The following DIP2A variants were observed in gnomAD, a reference collection of about 807,000 sequenced individuals.
The protein encoded by DIP2A is DIP2 acetate--CoA ligase A.
Under a neutral mutation model 177.4 loss-of-function variants are expected in DIP2A, and 85 were observed. The observed-to-expected ratio is 0.48, with a 90% CI of 0.40 to 0.57. The LOEUF is 0.57. Ranked by LOEUF, DIP2A falls within the 20% of genes least tolerant of loss-of-function variation. The pLI, the probability that DIP2A is intolerant of heterozygous loss-of-function variation, is 0.00. For synonymous variants in DIP2A, 886 were observed against 881.8 expected (o/e 1.00, Z -0.08); for missense variants, 1,791 against 2,100.2 (o/e 0.85, Z 2.88).
At position 46,509,380 on chromosome 21, in the gene DIP2A, A is replaced by G; in HGVS notation, c.904+4A>G. 1.9e-6 allele frequency: 3 copies of G among 1,603,518 alleles called. No individual in the cohort carries two copies. The highest frequency in any genetic ancestry group is 1.7e-4 in the Middle Eastern group (1 of 6,026). On this transcript the variant is annotated splice_donor_region_variant and intron_variant, in intron 7 of 37. Coordinates refer to ENST00000417564, the MANE Select transcript of DIP2A (RefSeq NM_015151.4). ...GATTTTGAGGAATTGTTGGAAGGTA[A>G]GAGTTGTCCAACTTTGAGCTTTTCT...
intron 8 of DIP2A, among the ~76,000 whole-genome samples, chr21:46,513,745 C>T (rs1277442850): frequency 6.6e-6 from 1 of 152,122 alleles, no homozygotes; most frequent in Non-Finnish European, 1.5e-5. Context: ...TTGAAGCTGA[C>T]ATGATGCTCA....
At chr21:46,533,482 C>T in intron 10 of DIP2A, 42 bp from the exon 11 acceptor site, 1 of 1,598,266 alleles carries the variant, frequency 6.3e-7, no homozygotes, top group Non-Finnish European at 8.5e-7. Context: ...GCTGTGGCTG[C>T]TGTGAGCACC....
At chr21:46,463,679 T>TG (rs1601297886) in intron 1 of DIP2A, among the ~76,000 whole-genome samples, 3 of 127,620 alleles carry the variant, frequency 2.4e-5, no homozygotes, top group Non-Finnish European at 4.9e-5. Context: ...CTGGGATATA[T>TG]TTGTGTGTGT....
chr21:46,459,907 C>T (rs996473456), intron 1 of DIP2A, among the ~76,000 whole-genome samples: 20 of 151,844 alleles, frequency 1.3e-4, no homozygotes, highest in African/African-American at 4.4e-4. Context: ...CCACTTTTGC[C>T]CCAAGCTGTG....
At chr21:46,544,509 T>C (rs1025694887) in intron 18 of DIP2A, among the ~76,000 whole-genome samples, 1 of 152,182 alleles carries the variant, frequency 6.6e-6, no homozygotes, top group African/African-American at 2.4e-5. Context: ...GGAAAGAATG[T>C]GCACATGGCT....
At chr21:46,525,016 G>T (rs2059012841) in intron 8 of DIP2A, among the ~76,000 whole-genome samples, 1 of 150,872 alleles carries the variant, frequency 6.6e-6, no homozygotes, top group Admixed American at 6.6e-5. Context: ...CTCCCAAGTA[G>T]CTGGGAGTAC....
At chr21:46,477,502 G>A (rs1485914086) in intron 1 of DIP2A, among the ~76,000 whole-genome samples, 1 of 140,304 alleles carries the variant, frequency 7.1e-6, no homozygotes, top group African/African-American at 2.8e-5. Flanking sequence ...ACTCCAGCCT[G>A]GGTGACAGGG....
chr21:46,493,858 T>C (rs1311442187), intron 3 of DIP2A, among the ~76,000 whole-genome samples: 1 of 152,214 alleles, frequency 6.6e-6, no homozygotes, highest in African/African-American at 2.4e-5. Context: ...CATCATTGTA[T>C]TATAGCTCCC....
chr21:46,491,786 AC>A (rs1359664537), intron 3 of DIP2A, among the ~76,000 whole-genome samples: 1 of 151,922 alleles, frequency 6.6e-6, no homozygotes, highest in Non-Finnish European at 1.5e-5. Context: ...CTTCTCCCCA[AC>A]CCTGTTCCCT....
intron 3 of DIP2A, among the ~76,000 whole-genome samples, chr21:46,491,638 C>T (rs2057020381): frequency 6.6e-6 from 1 of 152,132 alleles, no homozygotes; most frequent in African/African-American, 2.4e-5. Flanking sequence ...CTGAGATGGC[C>T]GCCCTCAGCA....
chr21:46,518,330 C>T (rs1237148625), intron 8 of DIP2A, among the ~76,000 whole-genome samples: 4 of 152,122 alleles, frequency 2.6e-5, no homozygotes, highest in African/African-American at 9.7e-5. Flanking sequence ...ATGGCATCAC[C>T]GTTCTCCAGT....
At chr21:46,510,277 T>C (rs988733244) in intron 7 of DIP2A, among the ~76,000 whole-genome samples, 1 of 152,186 alleles carries the variant, frequency 6.6e-6, no homozygotes, top group African/African-American at 2.4e-5. Context: ...TTCTGCCTGC[T>C]TTATTCTGGC....
chr21:46,485,586 G>A (rs2056628903), intron 2 of DIP2A, among the ~76,000 whole-genome samples: 1 of 152,136 alleles, frequency 6.6e-6, no homozygotes, highest in Admixed American at 6.5e-5. Context: ...AATCTTACAG[G>A]AAGATTGTTG....
chr21:46,514,417 C>A (rs1453721433), intron 8 of DIP2A, among the ~76,000 whole-genome samples: 1 of 145,048 alleles, frequency 6.9e-6, no homozygotes, highest in Non-Finnish European at 1.5e-5. Context: ...GCCTGGGCGA[C>A]AGAGCAAGAC....
At chr21:46,523,196 A>T (rs538199278) in intron 8 of DIP2A, among the ~76,000 whole-genome samples, 2 of 151,686 alleles carry the variant, frequency 1.3e-5, no homozygotes, top group Non-Finnish European at 2.9e-5. Context: ...AAGTGCTGGG[A>T]TTATAGATGT....
intron 8 of DIP2A, among the ~76,000 whole-genome samples, chr21:46,519,880 TTTTTTTTTTTTTG>T: frequency 8.6e-6 from 1 of 115,630 alleles, no homozygotes. Context: ...TTTTTTTTTT[TTTTTTTTTTTTTG>T]AGATGGAGTC....
At chr21:46,541,928 A>G in intron 18 of DIP2A, 33 bp downstream of exon 18, 6 of 1,613,490 alleles carry the variant, frequency 3.7e-6, no homozygotes, top group Middle Eastern at 1.7e-4. Context: ...GTCTTTGTCC[A>G]TGACTGATTG....
intron 32 of DIP2A, among the ~76,000 whole-genome samples, chr21:46,560,480 G>A (rs1018051804): frequency 2.0e-5 from 3 of 152,218 alleles, no homozygotes; most frequent in Non-Finnish European, 4.4e-5. Flanking sequence ...GCATGATTTG[G>A]TGTTTTCAGA....
At position 46,461,271 on chromosome 21, in the gene DIP2A, CAAA is replaced by C. The variant is rs60346777; in HGVS notation, c.91+2069_91+2071del. On this transcript the variant is annotated intron_variant, in intron 1 of 37. Transcript: ENST00000417564. ...AGAGCGAGAACCTGTCTCTTCTCAC[CAAA>C]AAAAAAAAAAAAAAAAAAAGGAAAG... 5.4e-3 allele frequency among the ~76,000 whole-genome samples: 267 copies of C among 49,312 alleles called. 1 individual carries two copies. The highest frequency in any genetic ancestry group is 7.0e-3 in the Non-Finnish European group (206 of 29,342). 32.4% of individuals were successfully genotyped at this position (49,312 alleles called of 152,430 possible). A position where few individuals can be genotyped will look rare whatever the true frequency, so the allele number is the denominator to read the frequency against.
Sources: allele counts gnomAD v4.1 joint callset (sites outside exome capture counted in the v4.1 genomes callset), GRCh38; gene constraint gnomAD v4.1.1; transcripts MANE v1.5; gene names NCBI Gene and HGNC (gene_info 2026-07-23, HGNC 2026-07-21).